The following CCDC102B variants were observed in gnomAD, a reference collection of about 807,000 sequenced individuals.
The protein encoded by CCDC102B is coiled-coil domain containing 102B, also known as coiled-coil domain-containing protein 102B.
CCDC102B carries 75 observed loss-of-function variants against 57.4 expected under a neutral mutation model. The observed-to-expected ratio is 1.31, with a 90% CI of 1.08 to 1.58. The LOEUF is 1.58. CCDC102B is among the 40% of genes most tolerant of loss of function. CCDC102B has a pLI of 0.00. For missense variants in CCDC102B, 636 were observed against 582.6 expected (o/e 1.09, Z -0.94); for synonymous variants, 206 against 201.9 (o/e 1.02, Z -0.17).
At chr18:68,740,586 T>C (rs1282872675) in intron 2 of CCDC102B, among the ~76,000 whole-genome samples, 3 of 152,168 alleles carry the variant, frequency 2.0e-5, no homozygotes, top group Non-Finnish European at 4.4e-5. Flanking sequence ...TTGCTTTTAA[T>C]GTGAGGAAAA....
rs537761568 is a variant in CCDC102B, at chr18:68,898,958, C to A, written c.1263+1530C>A. Reference sequence around the variant, plus strand: ...TGGCGTAACCTGTCATCAGGGCACACCGAGTCCAGACCTGGTCTCTTTGAC... The same window carrying A: ...TGGCGTAACCTGTCATCAGGGCACAACGAGTCCAGACCTGGTCTCTTTGAC... On this transcript the variant is annotated intron_variant, in intron 6 of 7. Transcript: ENST00000360242. Among the ~76,000 whole-genome samples the A allele has an allele frequency of 4.6e-5, 7 of 152,154 alleles. No homozygotes were observed. In the South Asian group the frequency reaches 1.5e-3, roughly 32 times the overall value.
intron 4 of CCDC102B, among the ~76,000 whole-genome samples, chr18:68,873,473 G>A (rs2039314863): frequency 1.3e-5 from 2 of 152,050 alleles, no homozygotes; most frequent in South Asian, 4.1e-4. Context: ...TTAACACTCA[G>A]GTAATGCATT....
At chr18:68,915,259 T>C (rs2041028428) in intron 6 of CCDC102B, among the ~76,000 whole-genome samples, 1 of 152,208 alleles carries the variant, frequency 6.6e-6, no homozygotes. Flanking sequence ...GTGAGAAGTC[T>C]TCCCCGCCAA....
intron 2 of CCDC102B, among the ~76,000 whole-genome samples, chr18:68,731,907 ATCTT>A (rs888960934): frequency 2.1e-5 from 3 of 146,098 alleles, no homozygotes; most frequent in African/African-American, 7.4e-5. Flanking sequence ...GAGGAAATAA[ATCTT>A]TATTTATTTT....
intron 6 of CCDC102B, among the ~76,000 whole-genome samples, chr18:68,920,737 G>A (rs1382662640): frequency 6.6e-6 from 1 of 152,208 alleles, no homozygotes; most frequent in Non-Finnish European, 1.5e-5. Context: ...GCAGGACAGA[G>A]TAAATGCTGA....
At chr18:69,056,252 T>C (rs923262271), downstream of CCDC102B, among the ~76,000 whole-genome samples, 2 of 152,086 alleles carry the variant, frequency 1.3e-5, no homozygotes, top group African/African-American at 4.8e-5. Flanking sequence ...TTCAGTGATT[T>C]TCCTTCAAAA....
At chr18:68,850,252 T>G (rs780081348) in intron 4 of CCDC102B, among the ~76,000 whole-genome samples, 15 of 152,132 alleles carry the variant, frequency 9.9e-5, no homozygotes, top group Non-Finnish European at 2.1e-4. Context: ...TCATTAGTGT[T>G]GATAAATATA....
chr18:68,827,002 C>G (rs140731511), intron 1 of CCDC102B, among the ~76,000 whole-genome samples: 1 of 151,860 alleles, frequency 6.6e-6, no homozygotes, highest in Non-Finnish European at 1.5e-5. Flanking sequence ...TCACCTGAAG[C>G]CACAAAGGCT....
At chr18:68,824,460 T>A (rs951206983) in intron 1 of CCDC102B, among the ~76,000 whole-genome samples, 19 of 152,224 alleles carry the variant, frequency 1.2e-4, no homozygotes, top group Admixed American at 7.9e-4. Flanking sequence ...CGAAGAGAGA[T>A]AGTTTGACTT....
At chr18:68,853,475 A>T (rs2038226558) in intron 4 of CCDC102B, among the ~76,000 whole-genome samples, 1 of 151,814 alleles carries the variant, frequency 6.6e-6, no homozygotes, top group Non-Finnish European at 1.5e-5. Context: ...AGTTGATTAG[A>T]GTATATAAAG....
chr18:68,802,231 G>C (rs912196066), intron 1 of CCDC102B, among the ~76,000 whole-genome samples: 2 of 152,086 alleles, frequency 1.3e-5, no homozygotes, highest in African/African-American at 4.8e-5. Flanking sequence ...CACTTTACAG[G>C]TATTGTCAAT....
chr18:68,840,265 GTATATAT>G (rs2037571333), intron 3 of CCDC102B, among the ~76,000 whole-genome samples: 1 of 152,028 alleles, frequency 6.6e-6, no homozygotes, highest in Non-Finnish European at 1.5e-5. Flanking sequence ...TATTATATAA[GTATATAT>G]TATATAACAG....
At chr18:68,765,800 TC>T (rs1482441164) in intron 2 of CCDC102B, among the ~76,000 whole-genome samples, 55 of 152,306 alleles carry the variant, frequency 3.6e-4, no homozygotes, top group African/African-American at 1.3e-3. Flanking sequence ...CATATATGAT[TC>T]TTAGACTTAT....
At chr18:68,885,567 C>A (rs1255484881) in intron 5 of CCDC102B, among the ~76,000 whole-genome samples, 1 of 152,000 alleles carries the variant, frequency 6.6e-6, no homozygotes, top group African/African-American at 2.4e-5. Context: ...CAACAAGCAA[C>A]TCCAGAAATT....
At chr18:68,736,969 G>A (rs1048465062) in intron 2 of CCDC102B, among the ~76,000 whole-genome samples, 3 of 151,896 alleles carry the variant, frequency 2.0e-5, no homozygotes, top group African/African-American at 4.8e-5. Flanking sequence ...GGCGAGTGAC[G>A]ATGATATCCA....
chr18:68,755,703 AAAT>A (rs1409801613), intron 2 of CCDC102B, among the ~76,000 whole-genome samples: 3 of 151,962 alleles, frequency 2.0e-5, no homozygotes, highest in South Asian at 2.1e-4. Flanking sequence ...TTTAAGACAA[AAAT>A]AATATTTAAA....
intron 4 of CCDC102B, among the ~76,000 whole-genome samples, chr18:68,870,746 A>G (rs1357784600): frequency 6.6e-6 from 1 of 152,162 alleles, no homozygotes; most frequent in Non-Finnish European, 1.5e-5. Flanking sequence ...ATAATTCTAC[A>G]TGGTTAATAA....
intron 6 of CCDC102B, among the ~76,000 whole-genome samples, chr18:68,921,178 G>A (rs942247979): frequency 6.6e-6 from 1 of 152,160 alleles, no homozygotes; most frequent in Admixed American, 6.5e-5. Context: ...CCTTGATATG[G>A]TTTGGCTGTA....
intron 6 of CCDC102B, among the ~76,000 whole-genome samples, chr18:68,920,985 A>ACGGGCCAAAGATGGCTCCT (rs924337132): frequency 6.6e-6 from 1 of 152,158 alleles, no homozygotes; most frequent in Non-Finnish European, 1.5e-5. Context: ...AGATGGCTCC[A>ACGGGCCAAAGATGGCTCCT]CATGCCAAAG....
Sources: gnomAD v4.1 joint callset for allele counts (sites outside exome capture counted in the v4.1 genomes callset) on GRCh38, gnomAD v4.1.1 for gene constraint, MANE v1.5 for transcripts, NCBI Gene and HGNC (gene_info 2026-07-23, HGNC 2026-07-21) for gene names.